PAX7: variants seen among roughly 807,000 people sequenced by gnomAD.
PAX7 encodes paired box 7.
PAX7 carries 18 observed loss-of-function variants against 50.7 expected under a neutral mutation model. That is an observed-to-expected ratio of 0.36 (90% CI 0.25 to 0.53). The LOEUF is 0.53. Among genes scored for constraint, PAX7 ranks in the 20% least tolerant of loss-of-function variants. The probability of loss-of-function intolerance (pLI) is 0.93; values close to 1 mark genes in which losing one functional copy is unlikely to be tolerated. For synonymous variants in PAX7, 310 were observed against 290.4 expected, an observed-to-expected ratio of 1.07 and a Z score of -0.69; for missense variants, 644 against 702.9, an observed-to-expected ratio of 0.92 and a Z score of 0.95.
chr1:18,683,266 G>A (rs2088923671), intron 4 of PAX7, among the ~76,000 whole-genome samples: 1 of 152,190 alleles, frequency 6.6e-6, no homozygotes, highest in African/African-American at 2.4e-5. Context: ...TCAGCAATGA[G>A]AATGCAGCTA....
At chr1:18,682,112 G>C (rs1044455486) in intron 4 of PAX7, among the ~76,000 whole-genome samples, 5 of 152,136 alleles carry the variant, frequency 3.3e-5, no homozygotes, top group African/African-American at 9.7e-5. Flanking sequence ...GTCAAGTTTT[G>C]TGAACAAGGT....
At chr1:18,710,572 A>C (rs1354553330) in intron 7 of PAX7, among the ~76,000 whole-genome samples, 4 of 152,092 alleles carry the variant, frequency 2.6e-5, no homozygotes, top group Non-Finnish European at 5.9e-5. Context: ...GATGCAAATC[A>C]CTGGTAGGAG....
At chr1:18,695,630 T>A (rs575123838) in intron 5 of PAX7, among the ~76,000 whole-genome samples, 16 of 152,238 alleles carry the variant, frequency 1.1e-4, no homozygotes, top group South Asian at 2.1e-4. Context: ...CAGAGCCACA[T>A]GAAGGGCAGC....
chr1:18,669,833 A>G (rs554584972), intron 4 of PAX7, among the ~76,000 whole-genome samples: 29 of 152,208 alleles, frequency 1.9e-4, no homozygotes, highest in Non-Finnish European at 2.6e-4. Context: ...ATCCACAAAA[A>G]GCCCTTAATA....
At chr1:18,656,642 C>G (rs2088526262) in intron 4 of PAX7, among the ~76,000 whole-genome samples, 1 of 152,046 alleles carries the variant, frequency 6.6e-6, no homozygotes, top group African/African-American at 2.4e-5. Context: ...AGACCATTTC[C>G]CTGAGTTTTA....
chr1:18,692,123 G>C (rs369142496), intron 5 of PAX7, among the ~76,000 whole-genome samples, 170 bp downstream of exon 5: 2 of 152,258 alleles, frequency 1.3e-5, no homozygotes, highest in African/African-American at 4.8e-5. Flanking sequence ...TTAGTTGGCA[G>C]CAAATGTTGG....
At chr1:18,699,616 A>G (rs1214532613) in intron 5 of PAX7, among the ~76,000 whole-genome samples, 2 of 150,020 alleles carry the variant, frequency 1.3e-5, no homozygotes, top group Admixed American at 6.6e-5. Flanking sequence ...GCTGGAGTGC[A>G]GTGGCGTGAT....
intron 4 of PAX7, among the ~76,000 whole-genome samples, chr1:18,661,652 C>T (rs2088601183): frequency 6.6e-6 from 1 of 152,242 alleles, no homozygotes; most frequent in African/African-American, 2.4e-5. Flanking sequence ...ACGTGTGGTG[C>T]CTGGCACACA....
intron 4 of PAX7, among the ~76,000 whole-genome samples, chr1:18,681,731 TTTTATTTTATTTTA>T (rs1465349389): frequency 1.3e-3 from 175 of 136,288 alleles, no homozygotes; most frequent in African/African-American, 2.5e-3. Flanking sequence ...TTTTATTTTA[TTTTATTTTATTTTA>T]TTTTATTTTT....
chr1:18,653,467 T>C (rs963248751), intron 4 of PAX7, among the ~76,000 whole-genome samples: 6 of 152,116 alleles, frequency 3.9e-5, no homozygotes, highest in Non-Finnish European at 5.9e-5. Context: ...GGTGTCGCTT[T>C]CGGTTGTTGG....
chr1:18,720,075 C>T (rs1427802294), intron 7 of PAX7, among the ~76,000 whole-genome samples: 1 of 152,192 alleles, frequency 6.6e-6, no homozygotes, highest in Non-Finnish European at 1.5e-5. Context: ...TTCTCTCCTC[C>T]AAGCTGGGCT....
intron 7 of PAX7, among the ~76,000 whole-genome samples, chr1:18,710,451 A>T (rs2089336436): frequency 6.6e-6 from 1 of 152,054 alleles, no homozygotes; most frequent in African/African-American, 2.4e-5. Context: ...ATTTAAAATG[A>T]GTCTTGCTGG....
intron 4 of PAX7, among the ~76,000 whole-genome samples, chr1:18,637,987 G>A (rs1042265480): frequency 6.6e-6 from 1 of 152,270 alleles, no homozygotes; most frequent in Non-Finnish European, 1.5e-5. Context: ...GGGGGACCCA[G>A]TCCTTATTTC....
chr1:18,724,547 CCAGT>C (rs576427312), intron 7 of PAX7, among the ~76,000 whole-genome samples: 24 of 152,350 alleles, frequency 1.6e-4, no homozygotes, highest in Admixed American at 4.6e-4. Flanking sequence ...TCCTATGAAG[CCAGT>C]CAAACACCTT....
At chr1:18,728,460 G>A (rs569133268) in intron 7 of PAX7, among the ~76,000 whole-genome samples, 1 of 152,002 alleles carries the variant, frequency 6.6e-6, no homozygotes, top group Non-Finnish European at 1.5e-5. Context: ...GCCTGTATGA[G>A]TATGGATGTG....
chr1:18,737,738 G>A (rs1570247963), intron 8 of PAX7, among the ~76,000 whole-genome samples: 1 of 152,258 alleles, frequency 6.6e-6, no homozygotes, highest in East Asian at 1.9e-4. Flanking sequence ...ACACATATAT[G>A]TAAGTATATG....
chr1:18,631,744 T>C (rs2088052225), intron 1 of PAX7, 56 bp downstream of exon 1: 5 of 1,416,630 alleles, frequency 3.5e-6, no homozygotes, highest in Non-Finnish European at 9.8e-7. Flanking sequence ...CTCGGGGTCC[T>C]TGGAGAGGCT....
rs1244901757 is a variant in PAX7 at position 18,630,986 on chromosome 1, C to A, written c.-618C>A. ...CTCCTTCTTCCGTCTGTCCCCGGGTCTCCTAGGGGACGGGGCTGTGAAAGC... is the reference window on the plus strand; with the variant it reads ...CTCCTTCTTCCGTCTGTCCCCGGGTATCCTAGGGGACGGGGCTGTGAAAGC... On this transcript the variant is annotated 5_prime_UTR_variant, in exon 1 of 9. Coordinates refer to ENST00000420770, the MANE Select transcript of PAX7 (RefSeq NM_001135254.2). 3 of 221,244 alleles carry A rather than the reference C, an allele frequency of 1.4e-5. No homozygotes were observed. The Admixed American group carries it at 1.7e-4, about 13-fold the overall frequency. 13.7% of individuals were successfully genotyped at this position (221,244 alleles called of 1,614,324 possible). A position where few individuals can be genotyped will look rare whatever the true frequency, so the allele number is the denominator to read the frequency against.
At chr1:18,725,314 C>CA (rs1491453789) in intron 7 of PAX7, among the ~76,000 whole-genome samples, 1 of 11,040 alleles carries the variant, frequency 9.1e-5, no homozygotes, top group Admixed American at 5.4e-4. Context: ...CCCCCCCCCG[C>CA]CCCACCAACA....
Sources: allele counts gnomAD v4.1 joint callset (sites outside exome capture counted in the v4.1 genomes callset), GRCh38; gene constraint gnomAD v4.1.1; transcripts MANE v1.5; gene names NCBI Gene and HGNC (gene_info 2026-07-23, HGNC 2026-07-21).